The following EPB41L5 variants were observed in gnomAD, a reference collection of about 807,000 sequenced individuals.
The protein encoded by EPB41L5 is erythrocyte membrane protein band 4.1 like 5.
EPB41L5 carries 55 observed loss-of-function variants against 106.6 expected under a neutral mutation model. The observed-to-expected ratio is 0.52, with a 90% CI of 0.42 to 0.65. The LOEUF (loss-of-function observed/expected upper bound fraction) is 0.65, where lower values mean the gene tolerates loss of function less well. EPB41L5 is among the 30% of genes least tolerant of loss of function. EPB41L5 has a pLI of 0.00. For synonymous variants in EPB41L5, 297 were observed against 306.7 expected (o/e 0.97, Z 0.33); for missense variants, 871 against 882.1 (o/e 0.99, Z 0.16).
chr2:120,141,970 A>G (rs1686190955), intron 18 of EPB41L5, among the ~76,000 whole-genome samples: 1 of 152,032 alleles, frequency 6.6e-6, no homozygotes, highest in Admixed American at 6.6e-5. Flanking sequence ...AAGACTAAAA[A>G]TTACCCACCT....
At chr2:120,080,473 T>C (rs532023414) in intron 10 of EPB41L5, among the ~76,000 whole-genome samples, 1 of 152,368 alleles carries the variant, frequency 6.6e-6, no homozygotes, top group Non-Finnish European at 1.5e-5. Flanking sequence ...TTCCATGGTG[T>C]ATATGTGCCA....
At chr2:120,158,464 A>G (rs550562615) in intron 20 of EPB41L5, among the ~76,000 whole-genome samples, 33 of 152,368 alleles carry the variant, frequency 2.2e-4, no homozygotes, top group African/African-American at 7.7e-4. Flanking sequence ...GATTCATCAC[A>G]TAAACAGAAA....
chr2:120,070,831 A>T (rs1181217616), intron 3 of EPB41L5, among the ~76,000 whole-genome samples: 1 of 152,106 alleles, frequency 6.6e-6, no homozygotes, highest in African/African-American at 2.4e-5. Flanking sequence ...ATTGATAGAA[A>T]ACATCTCAAA....
chr2:120,117,368 G>A (rs374087321), intron 16 of EPB41L5, among the ~76,000 whole-genome samples: 1 of 152,160 alleles, frequency 6.6e-6, no homozygotes, highest in Admixed American at 6.5e-5. Context: ...CTCCTTTTTA[G>A]ACAGAGTATA....
At chr2:120,062,724 A>G (rs1307213112) in intron 3 of EPB41L5, among the ~76,000 whole-genome samples, 1 of 152,218 alleles carries the variant, frequency 6.6e-6, no homozygotes, top group Non-Finnish European at 1.5e-5. Flanking sequence ...TTGTTCAATA[A>G]TTATGGGGTT....
chr2:120,066,479 A>G (rs779781843), intron 3 of EPB41L5, among the ~76,000 whole-genome samples: 3 of 152,194 alleles, frequency 2.0e-5, no homozygotes, highest in Non-Finnish European at 4.4e-5. Context: ...TCGTGGATAT[A>G]TAGTGCTCTA....
intron 2 of EPB41L5, among the ~76,000 whole-genome samples, chr2:120,021,266 G>GGGCT (rs2105129285): frequency 6.6e-6 from 1 of 152,158 alleles, no homozygotes; most frequent in Admixed American, 6.5e-5. Flanking sequence ...CTTGAACCTG[G>GGGCT]GAGGTGGAGA....
intron 10 of EPB41L5, among the ~76,000 whole-genome samples, chr2:120,085,831 T>A (rs897398134): frequency 1.3e-5 from 2 of 152,196 alleles, no homozygotes; most frequent in African/African-American, 4.8e-5. Flanking sequence ...CTAAGAATGC[T>A]TTAGGCAGAG....
At chr2:120,037,853 G>T (rs968265971) in intron 2 of EPB41L5, among the ~76,000 whole-genome samples, 3 of 152,168 alleles carry the variant, frequency 2.0e-5, no homozygotes, top group African/African-American at 7.2e-5. Context: ...GGAAAAGAAA[G>T]AAGTCAGACC....
chr2:120,097,376 A>G (rs1192997373), intron 14 of EPB41L5, among the ~76,000 whole-genome samples: 1 of 152,206 alleles, frequency 6.6e-6, no homozygotes, highest in Non-Finnish European at 1.5e-5. Context: ...CTATTGAACC[A>G]TGGAAAACAG....
intron 3 of EPB41L5, among the ~76,000 whole-genome samples, chr2:120,043,986 A>C (rs1679601366): frequency 6.6e-6 from 1 of 151,974 alleles, no homozygotes; most frequent in African/African-American, 2.4e-5. Flanking sequence ...GTCTCTACAA[A>C]AATAAAAAAA....
chr2:120,168,069 A>AACTT, intron 24 of EPB41L5, 62 bp downstream of exon 24: 1 of 1,551,576 alleles, frequency 6.4e-7, no homozygotes, highest in Non-Finnish European at 8.8e-7. Context: ...AAAATAATAA[A>AACTT]ACTTATTATC....
intron 1 of EPB41L5, among the ~76,000 whole-genome samples, chr2:120,014,481 TAGTC>T (rs1381298266): frequency 6.6e-6 from 1 of 152,138 alleles, no homozygotes; most frequent in Non-Finnish European, 1.5e-5. Flanking sequence ...GTGGGGGAAG[TAGTC>T]AGTAAAAAAG....
chr2:120,138,793 A>G (rs1686044798), intron 18 of EPB41L5, among the ~76,000 whole-genome samples: 1 of 152,170 alleles, frequency 6.6e-6, no homozygotes, highest in East Asian at 1.9e-4. Context: ...ATCCCTATCA[A>G]AATACCAATG....
chr2:120,111,936 C>T (rs1241619129), intron 16 of EPB41L5, among the ~76,000 whole-genome samples: 4 of 152,154 alleles, frequency 2.6e-5, no homozygotes, highest in African/African-American at 9.7e-5. Context: ...ACATACCAAG[C>T]ATGTTCTCTC....
chr2:120,075,088 A>G (rs1444409787), intron 5 of EPB41L5, among the ~76,000 whole-genome samples: 1 of 152,154 alleles, frequency 6.6e-6, no homozygotes, highest in African/African-American at 2.4e-5. Flanking sequence ...TCGCCCTCCC[A>G]AAGTGCTAGG....
chr2:120,028,720 T>TG (rs1358492447), intron 2 of EPB41L5, among the ~76,000 whole-genome samples: 3 of 151,082 alleles, frequency 2.0e-5, no homozygotes, highest in Non-Finnish European at 4.4e-5. Context: ...GGGAGGGGAG[T>TG]GAGGACTAGT....
At chr2:120,058,597 T>G (rs1680819641) in intron 3 of EPB41L5, among the ~76,000 whole-genome samples, 1 of 152,120 alleles carries the variant, frequency 6.6e-6, no homozygotes, top group Non-Finnish European at 1.5e-5. Flanking sequence ...TGTGGTGAAG[T>G]GGGAAGCATT....
At chr2:120,027,301 A>G (rs952279941) in intron 2 of EPB41L5, among the ~76,000 whole-genome samples, 13 of 152,248 alleles carry the variant, frequency 8.5e-5, no homozygotes, top group Non-Finnish European at 1.6e-4. Context: ...ATGCTCATCA[A>G]TAGGTAAATG....
Sources: gnomAD v4.1 joint callset for allele counts (sites outside exome capture counted in the v4.1 genomes callset) on GRCh38, gnomAD v4.1.1 for gene constraint, MANE v1.5 for transcripts, NCBI Gene and HGNC (gene_info 2026-07-23, HGNC 2026-07-21) for gene names.